RHCE: variants seen among roughly 807,000 people sequenced by gnomAD.
RHCE encodes Rh blood group CcEe antigens.
RHCE carries 22 observed loss-of-function variants against 43.8 expected under a neutral mutation model. That is an observed-to-expected ratio of 0.50 (90% confidence interval 0.36 to 0.72). The LOEUF is 0.72. Among genes scored for constraint, RHCE ranks in the 30% least tolerant of loss-of-function variants. RHCE has a pLI of 0.00. For synonymous variants in RHCE, 156 were observed against 210.7 expected (o/e 0.74, Z 2.25); for missense variants, 385 against 525.4 (o/e 0.73, Z 2.61).
intron 2 of RHCE, among the ~76,000 whole-genome samples, chr1:25,408,130 A>C (rs994572801): frequency 4.1e-5 from 5 of 121,784 alleles, no homozygotes; most frequent in African/African-American, 1.3e-4. Context: ...TCTACTAAAA[A>C]TACAAAATCA....
At chr1:25,362,629 T>G in intron 9 of RHCE, 76 bp from the exon 10 acceptor site, 1 of 911,396 alleles carries the variant, frequency 1.1e-6, no homozygotes, top group Non-Finnish European at 1.7e-6. Context: ...TGAAACAGCC[T>G]AAATGTCTCA....
At chr1:25,394,213 T>A (rs1646471223) in intron 3 of RHCE, among the ~76,000 whole-genome samples, 1 of 152,106 alleles carries the variant, frequency 6.6e-6, no homozygotes. Flanking sequence ...GGTCTCGAAC[T>A]CCTGACCTCA....
chr1:25,396,409 T>A (rs615071), intron 3 of RHCE, among the ~76,000 whole-genome samples: 15 of 152,150 alleles, frequency 9.9e-5, no homozygotes, highest in Admixed American at 2.6e-4. Context: ...AACTGAACAA[T>A]GGTTATGTAA....
chr1:25,409,417 C>T lies in RHCE; in HGVS notation c.149-548G>A, dbSNP rs1023038774. On this transcript the variant is annotated intron_variant, in intron 1 of 9. Coordinates refer to ENST00000294413, the MANE Select transcript of RHCE (RefSeq NM_020485.8). ...ACCTCCCTCCCTTTGCCGCCTGCTG[C>T]GAGGGACCTGGTGAGCTGGCTGGCA... Among the ~76,000 whole-genome samples the T allele has an allele frequency of 1.9e-4, 23 of 124,190 alleles. 5 individuals carry two copies. Among genetic ancestry groups the T allele is most frequent in the Admixed American group, 1.4e-3 (16 of 11,686 alleles). The allele number at this position is 124,190 out of a possible 152,430, so 81.5% of individuals were successfully genotyped here. A position where few individuals can be genotyped will look rare whatever the true frequency, so the allele number is the denominator to read the frequency against.
intron 8 of RHCE, among the ~76,000 whole-genome samples, chr1:25,372,210 T>A (rs2124314445): frequency 6.6e-6 from 1 of 151,780 alleles, no homozygotes; most frequent in African/African-American, 2.4e-5. Flanking sequence ...GCGTTTTGTG[T>A]TCTTGTGTCC....
At chr1:25,369,958 C>T (rs1361380444) in intron 9 of RHCE, among the ~76,000 whole-genome samples, 1 of 151,378 alleles carries the variant, frequency 6.6e-6, no homozygotes, top group Non-Finnish European at 1.5e-5. Flanking sequence ...AGGCTGGTCT[C>T]GAACTCCTGG....
At chr1:25,429,645 G>A (rs985884017) in intron 1 of RHCE, among the ~76,000 whole-genome samples, 2 of 152,068 alleles carry the variant, frequency 1.3e-5, no homozygotes, top group South Asian at 4.1e-4. Flanking sequence ...TACTATTCTA[G>A]TATGACCACT....
intron 1 of RHCE, chr1:25,429,859 G>A (rs1242298243): frequency 6.6e-6 from 1 of 151,980 alleles, no homozygotes; most frequent in Non-Finnish European, 1.5e-5. Flanking sequence ...AACACCATGC[G>A]GACTTTTCTA....
intron 3 of RHCE, among the ~76,000 whole-genome samples, chr1:25,397,217 C>T (rs1646575669): frequency 6.7e-6 from 1 of 149,486 alleles, no homozygotes; most frequent in South Asian, 2.1e-4. Context: ...AACTTCCAGG[C>T]TGGGCGCGGT....
intron 1 of RHCE, among the ~76,000 whole-genome samples, chr1:25,429,690 A>G (rs1223872123): frequency 6.6e-6 from 1 of 152,134 alleles, no homozygotes; most frequent in African/African-American, 2.4e-5. Context: ...ATTATCATCC[A>G]TAGGGGAAAA....
chr1:25,398,794 TG>T, intron 3 of RHCE: 1 of 1,140,288 alleles, frequency 8.8e-7, no homozygotes, highest in Non-Finnish European at 1.3e-6. Flanking sequence ...CGAACTCCAG[TG>T]GTCAGACCTG....
chr1:25,411,437 C>T, intron 1 of RHCE: 1 of 1,549,888 alleles, frequency 6.5e-7, no homozygotes. Context: ...TTATAAAGTA[C>T]ATTTAAATTC....
intron 2 of RHCE, among the ~76,000 whole-genome samples, chr1:25,403,699 T>C (rs1212365389): frequency 6.6e-6 from 1 of 151,758 alleles, no homozygotes; most frequent in Non-Finnish European, 1.5e-5. Flanking sequence ...GAAGTGGTAC[T>C]GAGCTGGACA....
chr1:25,394,240 T>C (rs977212170), intron 3 of RHCE, among the ~76,000 whole-genome samples: 2 of 152,000 alleles, frequency 1.3e-5, no homozygotes, highest in Admixed American at 1.3e-4. Flanking sequence ...CCATCCGCCT[T>C]GGCCTCCCAA....
At position 25,390,932 on chromosome 1, in the gene RHCE, G is replaced by A. The variant is rs756329178; in HGVS notation, c.635-17C>T. ...AGAGGGCGCCTGGGGGCCAGAGAGG[G>A]TGGTTGGCCAGAATCACACTCCTGC... On this transcript the variant is annotated splice_polypyrimidine_tract_variant and intron_variant, in intron 4 of 9. Transcript: ENST00000294413. 68 of 1,614,032 alleles carry A rather than the reference G, an allele frequency of 4.2e-5. No individual in the cohort carries two copies. In the Admixed American group the frequency reaches 1.1e-3, roughly 27 times the overall value.
intron 7 of RHCE, among the ~76,000 whole-genome samples, chr1:25,376,197 C>G (rs1451811391): frequency 6.6e-6 from 1 of 152,124 alleles, no homozygotes; most frequent in Non-Finnish European, 1.5e-5. Context: ...CTGCCCATCC[C>G]TACCCCTTGA....
intron 3 of RHCE, among the ~76,000 whole-genome samples, chr1:25,395,138 CTCT>C (rs1355359591): frequency 7.0e-6 from 1 of 142,568 alleles, no homozygotes; most frequent in Non-Finnish European, 1.5e-5. Context: ...AAATTTACTC[CTCT>C]TCTTGACAGC....
intron 2 of RHCE, among the ~76,000 whole-genome samples, chr1:25,404,624 C>G (rs1237593451): frequency 4.0e-5 from 6 of 149,440 alleles, no homozygotes; most frequent in African/African-American, 1.5e-4. Context: ...TGAGGAGGTG[C>G]TAAGACAGTG....
At chr1:25,390,684 G>A in intron 5 of RHCE, 65 bp downstream of exon 5, 1 of 1,583,364 alleles carries the variant, frequency 6.3e-7, no homozygotes, top group South Asian at 1.1e-5. Flanking sequence ...GGGTGGGGAG[G>A]GGCATAAATA....
Sources: gnomAD v4.1 joint callset for allele counts (sites outside exome capture counted in the v4.1 genomes callset) on GRCh38, gnomAD v4.1.1 for gene constraint, MANE v1.5 for transcripts, NCBI Gene and HGNC (gene_info 2026-07-23, HGNC 2026-07-21) for gene names.